PIGQ: variants seen among roughly 807,000 people sequenced by gnomAD.
PIGQ encodes phosphatidylinositol glycan anchor biosynthesis class Q.
In PIGQ, 54 loss-of-function variants were observed where a neutral mutation model predicts 60.3. The ratio of observed to expected loss-of-function variants is 0.90; its 90% confidence interval spans 0.72 to 1.12. PIGQ has a LOEUF of 1.12. PIGQ is among the 50% of genes most tolerant of loss of function. The pLI, the probability that PIGQ is intolerant of heterozygous loss-of-function variation, is 0.00. For synonymous variants in PIGQ, 416 were observed against 363.7 expected (o/e 1.14, Z -1.64); for missense variants, 799 against 793.5 (o/e 1.01, Z -0.08).
Position 579,132 on chromosome 16 carries a change from G to A in PIGQ, c.1287G>A (p.Trp429Ter). The change falls in exon 7 of 11, where the codon TGG becomes TGA. Residue 429 changes from tryptophan to a stop codon, truncating the protein, a stop_gained. Transcript: ENST00000321878. LOFTEE classifies it high-confidence loss of function. Reference sequence around the variant, plus strand: ...GGCGTCTGTTCCGGGGGAAGAAGTGGAACGTTCTGCGCCAGCGCGTGGACT... The same window carrying A: ...GGCGTCTGTTCCGGGGGAAGAAGTGAAACGTTCTGCGCCAGCGCGTGGACT... ...SLWRLFRGKK[W>*]NVLRQRVDSC... The A allele has an allele frequency of 6.2e-7, 1 of 1,613,048 alleles. No individual in the cohort carries two copies. The highest frequency in any genetic ancestry group is 1.1e-5 in the South Asian group (1 of 91,088).
Position 575,960 on chromosome 16 carries a change from C to T in PIGQ, c.811C>T (p.Gln271Ter), listed in dbSNP as rs2035709868. ...FSTRKAENPA[Q>*]LMRKANTVAS... ...TACACGGAAGGCGGAGAACCCTGCC[C>T]AGCTGATGAGGTGTGGGCCTGCCCT... The change falls in exon 3 of 11, where the codon CAG becomes TAG. Residue 271 changes from glutamine (Q) to a stop codon, truncating the protein, a stop_gained. Coordinates refer to ENST00000321878, the MANE Select transcript of PIGQ (RefSeq NM_004204.5). LOFTEE classifies it high-confidence loss of function. The T allele has an allele frequency of 9.5e-6, 15 of 1,584,584 alleles. No homozygotes were observed. Among genetic ancestry groups the T allele is most frequent in the East Asian group, 2.3e-5 (1 of 43,600 alleles).
intron 1 of PIGQ, among the ~76,000 whole-genome samples, chr16:572,333 T>G (rs149002015): frequency 4.9e-4 from 74 of 152,310 alleles, no homozygotes; most frequent in African/African-American, 1.7e-3. Flanking sequence ...TGAGGAGTTC[T>G]GCAGCCTGAC....
chr16:575,697 G>A (rs1390764247), intron 2 of PIGQ, 142 bp from the exon 3 acceptor site: 12 of 832,012 alleles, frequency 1.4e-5, no homozygotes, highest in Non-Finnish European at 2.1e-5. Flanking sequence ...CACCACCTGG[G>A]CCACCGAGGG....
At position 574,120 on chromosome 16, in the gene PIGQ, A is replaced by G. The variant is rs1320244715; in HGVS notation, c.46A>G (p.Ser16Gly). The G allele has an allele frequency of 6.2e-7, 1 of 1,611,052 alleles. No individual in the cohort carries two copies. The highest frequency in any genetic ancestry group is 8.5e-7 in the Non-Finnish European group (1 of 1,179,422). Residue 16 changes from serine to glycine, a missense_variant, in exon 2 of 11, where the codon AGC becomes GGC. Ser to Gly is a moderately conservative substitution (Grantham distance 56). Transcript: ENST00000321878. The stretch of plus-strand genomic sequence containing the variant: ...CCCCACGTGCTGCGTCTCGACGGAC[A>G]GCGGGCTGCTGGTGGGACGGTGGGT... ...FFPTCCVSTD[S>G]GLLVGRWVPE...
At chr16:580,094 G>T in intron 7 of PIGQ, 89 bp from the exon 8 acceptor site, 3 of 991,494 alleles carry the variant, frequency 3.0e-6, no homozygotes, top group Non-Finnish European at 4.5e-6. Context: ...GGTCCCGACT[G>T]CAGCTCCGGG....
At position 583,014 on chromosome 16, in the gene PIGQ, G is replaced by C; in HGVS notation, c.1725G>C (p.Gln575His). ...FLGELIYPWRQRGDKQD is the reference protein window; with the variant it reads ...FLGELIYPWRHRGDKQD ...GGGAGCTCATCTACCCCTGGAGGCA[G>C]AGAGGGGACAAGCAGGACTGAGGGA... The change falls in exon 11 of 11, where the codon CAG becomes CAC. Residue 575 changes from glutamine (Q) to histidine (H), a missense_variant. Transcript: ENST00000321878. The C allele has an allele frequency of 1.9e-6, 3 of 1,613,162 alleles. No homozygotes were observed. The highest frequency in any genetic ancestry group is 2.7e-5 in the African/African-American group (2 of 75,056).
In PIGQ at chr16:574,583, C is replaced by T. The variant is rs2035687419; in HGVS notation, c.509C>T (p.Ala170Val). 1 of 1,604,350 alleles carries T rather than the reference C, an allele frequency of 6.2e-7. No individual in the cohort carries two copies. The highest frequency in any genetic ancestry group is 8.5e-7 in the Non-Finnish European group (1 of 1,176,428). Residue 170 changes from alanine (A) to valine (V), a missense_variant, in exon 2 of 11, where the codon GCA (alanine) becomes GTA (valine). Physicochemically the swap from Ala to Val is moderately conservative, Grantham distance 64. Transcript: ENST00000321878. Reference protein sequence around the residue: ...GGLAAVFDTVARSEVLFRSDR... With the variant: ...GGLAAVFDTVVRSEVLFRSDR... The stretch of plus-strand genomic sequence containing the variant: ...CTGGCTGCCGTCTTCGACACGGTAG[C>T]ACGCAGTGAGGTGCTCTTCCGCAGT...
In PIGQ at chr16:580,926, G is replaced by A. The variant is rs151202639; in HGVS notation, c.1485G>A (p.Pro495=). ...HLLVDLINSL[P]LYSLGLRLCR... is the part of the protein sequence containing the mutation. ...TCGTGGACCTCATCAACTCCCTGCCGCTGTACTCACTGGGTCTTCGGCTCT... is the reference window on the plus strand; with the variant it reads ...TCGTGGACCTCATCAACTCCCTGCCACTGTACTCACTGGGTCTTCGGCTCT... The change falls in exon 9 of 11, where the codon CCG becomes CCA. Residue 495 remains proline (P), a synonymous_variant. Transcript: ENST00000321878. The A allele has an allele frequency of 1.1e-4, 172 of 1,610,716 alleles. No individual in the cohort carries two copies. The highest frequency in any genetic ancestry group is 2.0e-4 in the Admixed American group (12 of 60,034).
At chr16:576,494 G>A in intron 4 of PIGQ, 1 of 587,234 alleles carries the variant, frequency 1.7e-6, no homozygotes, top group Middle Eastern at 4.6e-4. Context: ...GCAGGAGCCA[G>A]CCGGGCTGAG....
chr16:576,246 G>T lies in PIGQ; in HGVS notation c.934G>T (p.Val312Leu). Reference protein sequence around the residue: ...IGHLADALVPVADHVAEELQH... With the variant: ...IGHLADALVPLADHVAEELQH... ...GCATCTGGCCGACGCCCTCGTTCCT[G>T]TGGCTGACGTGAGTGGACTGGGGTG... Residue 312 changes from valine (V) to leucine (L), a missense_variant, in exon 4 of 11, where the codon GTG (valine) becomes TTG (leucine). Physicochemically the swap from Val to Leu is conservative, Grantham distance 32. Coordinates refer to ENST00000321878, the MANE Select transcript of PIGQ (RefSeq NM_004204.5). 1 of 1,554,788 alleles carries T rather than the reference G, an allele frequency of 6.4e-7. No individual in the cohort carries two copies.
intron 4 of PIGQ, 45 bp downstream of exon 4, chr16:576,299 G>T (rs779184974): frequency 1.2e-5 from 18 of 1,536,012 alleles, no homozygotes; most frequent in Non-Finnish European, 1.6e-5. Context: ...TGGGCGTGGG[G>T]ACCCCTCCTG....
In PIGQ at chr16:571,038, C is replaced by CGTGT. The variant is rs1176149269; in HGVS notation, c.-10+1009_-10+1012dup. ...AAGCTCTTCTGGCTAGCCTGGCGCC[C>CGTGT]GTGTGTGTGTGTGTGTGTGTGTGTG... On this transcript the variant is annotated intron_variant, in intron 1 of 10. Transcript: ENST00000321878. Among the ~76,000 whole-genome samples, 166 of 85,220 alleles carry CGTGT rather than the reference C, an allele frequency of 1.9e-3. 45 individuals are homozygous for CGTGT. The highest frequency in any genetic ancestry group is 2.9e-3 in the Non-Finnish European group (110 of 38,186). 55.9% of individuals were successfully genotyped at this position (85,220 alleles called of 152,430 possible).
rs2035705291 is a variant in PIGQ, at chr16:575,747, G to A, written c.690-92G>A. The A allele has an allele frequency of 2.9e-6, 4 of 1,359,762 alleles. No homozygotes were observed. The South Asian group carries it at 5.3e-5, about 18-fold the overall frequency. The allele number at this position is 1,359,762 out of a possible 1,614,324, so 84.2% of individuals were successfully genotyped here. On this transcript the variant is annotated intron_variant, in intron 2 of 10. Transcript: ENST00000321878. ...CCCCTGTCCTGCTGAGCTCAGGAGT[G>A]TGGCCTGGGTGTTTGTGGTCCCCTG...
At chr16:570,241 A>G (rs945589005) in intron 1 of PIGQ, 145 bp downstream of exon 1, 1 of 151,648 alleles carries the variant, frequency 6.6e-6, no homozygotes, top group African/African-American at 2.4e-5. Context: ...GCCCGCGCCG[A>G]CCTGGGCCCC....
chr16:583,722 C>G lies in PIGQ; in HGVS notation c.*687C>G. The G allele has an allele frequency of 6.9e-7, 1 of 1,441,536 alleles. No individual in the cohort carries two copies. The highest frequency in any genetic ancestry group is 1.1e-5 in the South Asian group (1 of 87,222). 89.3% of individuals were successfully genotyped at this position (1,441,536 alleles called of 1,614,324 possible). ...TCAAGGGCCCGCCCACTGACCCAGC[C>G]GTACCTATTCGTCCACGGTGCCCCG... On this transcript the variant is annotated 3_prime_UTR_variant, in exon 11 of 11. Transcript: ENST00000321878.
Position 582,558 on chromosome 16 carries a change from G to A in PIGQ, c.1593+249G>A, listed in dbSNP as rs1165503302. 8.8e-6 allele frequency: 5 copies of A among 568,426 alleles called. No homozygotes were observed. In the East Asian group the frequency reaches 1.4e-4, roughly 16 times the overall value. The allele number at this position is 568,426 out of a possible 1,614,324, so 35.2% of individuals were successfully genotyped here. A position where few individuals can be genotyped will look rare whatever the true frequency, so the allele number is the denominator to read the frequency against. On this transcript the variant is annotated intron_variant, in intron 10 of 10. Transcript: ENST00000321878. ...TGTCGGAGGCGCCCTTGGCTGGCTG[G>A]GGCTGCCCTGGGCCCCACAGGGCTC...
rs767741388 is a variant in PIGQ, at chr16:583,381, C to T, written c.*346C>T. ...ACCCAGGTCCAGAGGGTCCGTCCACCACAGCAGCCCCAGGTGGAGGGCTGG... is the reference window on the plus strand; with the variant it reads ...ACCCAGGTCCAGAGGGTCCGTCCACTACAGCAGCCCCAGGTGGAGGGCTGG... On this transcript the variant is annotated 3_prime_UTR_variant, in exon 11 of 11. Coordinates refer to ENST00000321878, the MANE Select transcript of PIGQ (RefSeq NM_004204.5). 25 of 1,612,680 alleles carry T rather than the reference C, an allele frequency of 1.6e-5. No homozygotes were observed. Among genetic ancestry groups the T allele is most frequent in the Non-Finnish European group, 1.9e-5 (23 of 1,179,870 alleles).
chr16:570,172 T>G (rs2035597990), intron 1 of PIGQ, 76 bp downstream of exon 1: 1 of 151,392 alleles, frequency 6.6e-6, no homozygotes, highest in Admixed American at 6.6e-5. Context: ...GGCTGGGGGC[T>G]CCGCACTCCC....
In PIGQ at chr16:583,746, C is replaced by G. The variant is rs760641703; in HGVS notation, c.*711C>G. 1 of 1,283,682 alleles carries G rather than the reference C, an allele frequency of 7.8e-7. No homozygotes were observed. Among genetic ancestry groups the G allele is most frequent in the South Asian group, 1.2e-5 (1 of 83,394 alleles). The allele number at this position is 1,283,682 out of a possible 1,614,324, so 79.5% of individuals were successfully genotyped here. ...CCGTACCTATTCGTCCACGGTGCCCCGTAGCAGCAGGTCCTGCGGCCAAAT... is the reference window on the plus strand; with the variant it reads ...CCGTACCTATTCGTCCACGGTGCCCGGTAGCAGCAGGTCCTGCGGCCAAAT... On this transcript the variant is annotated 3_prime_UTR_variant, in exon 11 of 11. Transcript: ENST00000321878.
Sources: gnomAD v4.1 joint callset for allele counts (sites outside exome capture counted in the v4.1 genomes callset) on GRCh38, gnomAD v4.1.1 for gene constraint, MANE v1.5 for transcripts, NCBI Gene and HGNC (gene_info 2026-07-23, HGNC 2026-07-21) for gene names.